Variants in PAIP2B observed in about 807,000 individuals in gnomAD.
PAIP2B encodes the protein polyadenylate-binding protein-interacting protein 2B.
PAIP2B carries 13 observed loss-of-function variants against 17.0 expected under a neutral mutation model. The ratio of observed to expected loss-of-function variants is 0.76; its 90% CI spans 0.50 to 1.22. The LOEUF is 1.22. Ranked by LOEUF, PAIP2B falls within the 50% of genes most tolerant of loss-of-function variation. The pLI is 0.00. For synonymous variants in PAIP2B, 43 were observed against 48.7 expected (o/e 0.88, Z 0.48); for missense variants, 117 against 144.5 (o/e 0.81, Z 0.98).
chr2:71,193,790 C>G (rs1674747320), intron 2 of PAIP2B, among the ~76,000 whole-genome samples: 1 of 151,750 alleles, frequency 6.6e-6, no homozygotes, highest in Non-Finnish European at 1.5e-5. Context: ...GGAGGCGGAG[C>G]TTGCAGTGAG....
chr2:71,217,444 A>T (rs1675457307), intron 1 of PAIP2B, among the ~76,000 whole-genome samples: 1 of 152,184 alleles, frequency 6.6e-6, no homozygotes, highest in Non-Finnish European at 1.5e-5. Context: ...AGCCCAGCCT[A>T]TATTTTTGGA....
In PAIP2B at chr2:71,213,844, C is replaced by T. The variant is rs118066554; in HGVS notation, c.-11-11244G>A. On this transcript the variant is annotated intron_variant, in intron 1 of 3. Coordinates refer to ENST00000244221, the MANE Select transcript of PAIP2B (RefSeq NM_020459.1). ...TAAGTTACATAGAAAAAACAACTAT[C>T]GTAATCTATCCAAATACAAGGGGGA... Among the ~76,000 whole-genome samples, 205 of 152,198 alleles carry T rather than the reference C, an allele frequency of 1.3e-3. 2 individuals are homozygous for T. The East Asian group carries it at 0.025, about 19-fold the overall frequency.
intron 2 of PAIP2B, among the ~76,000 whole-genome samples, chr2:71,200,828 G>T (rs1029767806): frequency 6.6e-6 from 1 of 152,120 alleles, no homozygotes; most frequent in Non-Finnish European, 1.5e-5. Context: ...AAAACATTAG[G>T]GTTGGGGGAA....
rs1011836690 is a variant in PAIP2B at position 71,182,888 on chromosome 2, A to G, written c.*5591T>C. The G allele has an allele frequency of 1.1e-5, 1 of 88,960 alleles. No individual in the cohort carries two copies. Among genetic ancestry groups the G allele is most frequent in the African/African-American group, 4.7e-5 (1 of 21,198 alleles). 5.5% of individuals were successfully genotyped at this position (88,960 alleles called of 1,614,324 possible). On this transcript the variant is annotated 3_prime_UTR_variant, in exon 4 of 4. Coordinates refer to ENST00000244221, the MANE Select transcript of PAIP2B (RefSeq NM_020459.1). ...CTGTCCCTCCCCCAAAGAAGGATTA[A>G]TAACTACCAAGTAATGATTAGGGGA...
Position 71,188,225 on chromosome 2 carries a change from C to T in PAIP2B, c.*254G>A, listed in dbSNP as rs914016048. On this transcript the variant is annotated 3_prime_UTR_variant, in exon 4 of 4. Transcript: ENST00000244221. ...AGGGGGGAAAATGCAATTTCCTTAA[C>T]TCGAAAGAGCTATTTAAAAAAACAA... 1.4e-5 allele frequency: 7 copies of T among 495,066 alleles called. No homozygotes were observed. Among genetic ancestry groups the T allele is most frequent in the African/African-American group, 1.2e-4 (6 of 51,756 alleles). The allele number at this position is 495,066 out of a possible 1,614,324, so 30.7% of individuals were successfully genotyped here.
At chr2:71,222,218 G>C (rs1043710640) in intron 1 of PAIP2B, among the ~76,000 whole-genome samples, 1 of 152,200 alleles carries the variant, frequency 6.6e-6, no homozygotes, top group Non-Finnish European at 1.5e-5. Flanking sequence ...CAACTATTGT[G>C]TGACTGTGGC....
chr2:71,214,913 A>G (rs1460265293), intron 1 of PAIP2B, among the ~76,000 whole-genome samples: 1 of 152,212 alleles, frequency 6.6e-6, no homozygotes, highest in African/African-American at 2.4e-5. Flanking sequence ...AGGATTTCAT[A>G]AACCAGGAGA....
chr2:71,216,864 C>T (rs1195294259), intron 1 of PAIP2B, among the ~76,000 whole-genome samples: 1 of 152,176 alleles, frequency 6.6e-6, no homozygotes, highest in Non-Finnish European at 1.5e-5. Context: ...CCTTTCTACT[C>T]TCACCCTCCA....
chr2:71,190,000 G>A lies in PAIP2B; in HGVS notation c.160C>T (p.Gln54Ter), dbSNP rs368552030. 2 of 1,612,150 alleles carry A rather than the reference G, an allele frequency of 1.2e-6. No homozygotes were observed. The highest frequency in any genetic ancestry group is 8.5e-7 in the Non-Finnish European group (1 of 1,179,234). Residue 54 changes from glutamine to a stop codon, truncating the protein, a stop_gained, in exon 3 of 4, where the codon CAA becomes TAA. Transcript: ENST00000244221. LOFTEE classifies it high-confidence loss of function. ...TGGAAGCAGCGGTCCAAGAAGTCTT[G>A]CTCCTGCAGTTCCTCCTCCACCTAG... ...NRQVEEELQE[Q>*]DFLDRCFQEM...
chr2:71,191,806 G>A (rs527687352), intron 2 of PAIP2B, among the ~76,000 whole-genome samples: 1 of 152,276 alleles, frequency 6.6e-6, no homozygotes, highest in East Asian at 1.9e-4. Flanking sequence ...GAGCAATACC[G>A]TGGAAGGGAC....
At chr2:71,205,059 G>C (rs1204709075) in intron 1 of PAIP2B, among the ~76,000 whole-genome samples, 1 of 150,546 alleles carries the variant, frequency 6.6e-6, no homozygotes, top group Non-Finnish European at 1.5e-5. Flanking sequence ...AAGGAAGAAA[G>C]AAAGAAAAAA....
intron 1 of PAIP2B, among the ~76,000 whole-genome samples, chr2:71,223,541 A>C (rs1242614431): frequency 6.6e-6 from 1 of 151,908 alleles, no homozygotes; most frequent in Non-Finnish European, 1.5e-5. Flanking sequence ...GGGTTCAATA[A>C]ATTCTCTGCC....
chr2:71,192,452 CT>C (rs200565511), intron 2 of PAIP2B, among the ~76,000 whole-genome samples: 5 of 150,794 alleles, frequency 3.3e-5, no homozygotes, highest in African/African-American at 9.7e-5. Flanking sequence ...TTTGATGTTA[CT>C]TTTTTTTTAA....
chr2:71,226,289 T>C (rs1467338280), intron 1 of PAIP2B, among the ~76,000 whole-genome samples: 5 of 152,144 alleles, frequency 3.3e-5, no homozygotes. Flanking sequence ...TGGAAAATGT[T>C]AGTTTTCTGG....
chr2:71,220,671 T>C (rs1162862817), intron 1 of PAIP2B, among the ~76,000 whole-genome samples: 1 of 152,224 alleles, frequency 6.6e-6, no homozygotes, highest in African/African-American at 2.4e-5. Flanking sequence ...GTTTATTTTT[T>C]CAAATATAGA....
chr2:71,196,358 C>G (rs1412774576), intron 2 of PAIP2B, among the ~76,000 whole-genome samples: 1 of 152,054 alleles, frequency 6.6e-6, no homozygotes, highest in Non-Finnish European at 1.5e-5. Context: ...TTTTATTGTG[C>G]TGTGGTCCAA....
intron 1 of PAIP2B, among the ~76,000 whole-genome samples, chr2:71,222,142 G>T (rs913422213): frequency 6.6e-6 from 1 of 152,166 alleles, no homozygotes; most frequent in Admixed American, 6.6e-5. Context: ...ACGAAGGTCT[G>T]GGGCTCCATT....
rs1197192163 is a variant in PAIP2B, at chr2:71,188,248, C to CAAA, written c.*228_*230dup. 2.0e-6 allele frequency: 1 copy of CAAA among 505,074 alleles called. No individual in the cohort carries two copies. The highest frequency in any genetic ancestry group is 3.5e-6 in the Non-Finnish European group (1 of 287,334). The allele number at this position is 505,074 out of a possible 1,614,324, so 31.3% of individuals were successfully genotyped here. A position where few individuals can be genotyped will look rare whatever the true frequency, so the allele number is the denominator to read the frequency against. On this transcript the variant is annotated 3_prime_UTR_variant, in exon 4 of 4. Transcript: ENST00000244221. Reference sequence around the variant, plus strand: ...AACTCGAAAGAGCTATTTAAAAAAACAAAACAGGAAACTCCCCAAACAAAA... The same window carrying CAAA: ...AACTCGAAAGAGCTATTTAAAAAAACAAAAAAACAGGAAACTCCCCAAACAAAA...
At chr2:71,217,837 G>A (rs554499524) in intron 1 of PAIP2B, among the ~76,000 whole-genome samples, 1 of 102,012 alleles carries the variant, frequency 9.8e-6, no homozygotes, top group Non-Finnish European at 2.4e-5. Context: ...GCAAGCCAAG[G>A]GGGGAGATTA....
Sources: allele counts gnomAD v4.1 joint callset (sites outside exome capture counted in the v4.1 genomes callset), GRCh38; gene constraint gnomAD v4.1.1; transcripts MANE v1.5; gene names NCBI Gene and HGNC (gene_info 2026-07-23, HGNC 2026-07-21).